ZNF705A: variants seen among roughly 807,000 people sequenced by gnomAD.
The protein encoded by ZNF705A is zinc finger protein 705A.
Under a neutral mutation model 16.6 loss-of-function variants are expected in ZNF705A, and 8 were observed. The observed-to-expected ratio is 0.48, with a 90% CI of 0.28 to 0.87. ZNF705A has a LOEUF of 0.87. Ranked by LOEUF, ZNF705A falls within the 40% of genes least tolerant of loss-of-function variation. The pLI is 0.10. For synonymous variants in ZNF705A, 73 were observed against 117.3 expected, an observed-to-expected ratio of 0.62 and a Z score of 2.44; for missense variants, 233 against 359.9, an observed-to-expected ratio of 0.65 and a Z score of 2.85.
upstream of ZNF705A, among the ~76,000 whole-genome samples, chr12:8,168,171 T>C (rs1695653044): frequency 6.6e-6 from 1 of 152,222 alleles, no homozygotes; most frequent in African/African-American, 2.4e-5. Context: ...AGAAGTTGCT[T>C]CTTCCTGGGG....
intron 1 of ZNF705A, among the ~76,000 whole-genome samples, chr12:8,159,560 T>C (rs1482122995): frequency 6.6e-6 from 1 of 152,186 alleles, no homozygotes; most frequent in African/African-American, 2.4e-5. Flanking sequence ...TGATCATTAG[T>C]GATGCTGAGG....
At chr12:8,177,412 A>G (rs1295073550) in exon 5 of ZNF705A, 1 of 1,612,086 alleles carries the variant, frequency 6.2e-7, no homozygotes, top group Non-Finnish European at 8.5e-7. Context: ...TTAACCTTCG[A>G]AGACATGAGA....
At chr12:8,178,335 A>G (rs751276707) in exon 5 of ZNF705A, 1 of 153,000 alleles carries the variant, frequency 6.5e-6, no homozygotes, top group Non-Finnish European at 1.5e-5. Context: ...TGCAATGAAA[A>G]ATCATGAGAA....
At chr12:8,163,896 C>T (rs189919642) in intron 1 of ZNF705A, among the ~76,000 whole-genome samples, 169 of 152,128 alleles carry the variant, frequency 1.1e-3, no homozygotes, top group African/African-American at 3.9e-3. Flanking sequence ...TTTAACCAAC[C>T]CCCTTCTTGT....
intron 1 of ZNF705A, among the ~76,000 whole-genome samples, chr12:8,160,616 G>T (rs73065356): frequency 3.5e-5 from 5 of 141,696 alleles, no homozygotes; most frequent in Admixed American, 1.4e-4. Flanking sequence ...TTCTTGATTT[G>T]GTTCTCCACT....
At chr12:8,170,315 A>AT (rs1470147621), upstream of ZNF705A, among the ~76,000 whole-genome samples, 4 of 152,000 alleles carry the variant, frequency 2.6e-5, no homozygotes, top group Non-Finnish European at 4.4e-5. Flanking sequence ...TTGTCAATAC[A>AT]TTTTTTTCCA....
At chr12:8,158,391 T>C (rs1441704665) in intron 1 of ZNF705A, among the ~76,000 whole-genome samples, 2 of 152,164 alleles carry the variant, frequency 1.3e-5, no homozygotes, top group Admixed American at 1.3e-4. Context: ...CTATACAGTA[T>C]GTTCTCCTTT....
At chr12:8,164,687 A>G (rs1948383548) in intron 1 of ZNF705A, among the ~76,000 whole-genome samples, 1 of 152,242 alleles carries the variant, frequency 6.6e-6, no homozygotes, top group Non-Finnish European at 1.5e-5. Flanking sequence ...ATGGCTGCAT[A>G]GTATTCCATG....
chr12:8,172,796 G>A lies in ZNF705A; in HGVS notation c.12+159G>A, dbSNP rs537710994. ...AGCCTGGGTATTCCAAATGCAATCAGGAGGCTTTCAGGTATCTGGCCTCCA... is the reference window on the plus strand; with the variant it reads ...AGCCTGGGTATTCCAAATGCAATCAAGAGGCTTTCAGGTATCTGGCCTCCA... On this transcript the variant is annotated intron_variant, in intron 1 of 4. Transcript: ENST00000359286. 5.9e-5 allele frequency among the ~76,000 whole-genome samples: 9 copies of A among 152,282 alleles called. 3 individuals carry two copies. The highest frequency in any genetic ancestry group is 1.9e-4 in the African/African-American group (8 of 41,554).
chr12:8,165,843 G>C lies in ZNF705A; in HGVS notation c.-71-6712G>C, dbSNP rs112518068. Among the ~76,000 whole-genome samples the C allele has an allele frequency of 3.2e-3, 484 of 152,136 alleles. 2 individuals are homozygous for C. The highest frequency in any genetic ancestry group is 0.011 in the African/African-American group (436 of 41,496). ...CAGCTTCATCTATGTTGGTGCAAAG[G>C]ACATAATTTTTTTACAGTTGCATAG... On this transcript the variant is annotated intron_variant, in intron 1 of 5. Coordinates refer to the ZNF705A transcript ENST00000396570.
At chr12:8,166,766 G>A (rs1948402512) in intron 1 of ZNF705A, among the ~76,000 whole-genome samples, 1 of 152,232 alleles carries the variant, frequency 6.6e-6, no homozygotes, top group African/African-American at 2.4e-5. Context: ...TTTAGCCATG[G>A]CTGGAGCTGG....
intron 1 of ZNF705A, among the ~76,000 whole-genome samples, chr12:8,162,298 A>C (rs1475370278): frequency 6.6e-6 from 1 of 152,194 alleles, no homozygotes; most frequent in Non-Finnish European, 1.5e-5. Context: ...AGTTGTTTGC[A>C]CTAAATCAAG....
chr12:8,171,953 T>A (rs1475571883), upstream of ZNF705A, among the ~76,000 whole-genome samples: 1 of 152,196 alleles, frequency 6.6e-6, no homozygotes, highest in Non-Finnish European at 1.5e-5. Flanking sequence ...GCCAGGCTAG[T>A]CTTGAACCCT....
chr12:8,169,848 C>T (rs1325213920), upstream of ZNF705A, among the ~76,000 whole-genome samples: 3 of 152,098 alleles, frequency 2.0e-5, no homozygotes, highest in African/African-American at 7.2e-5. Flanking sequence ...GCCGTTAAAA[C>T]ATTAAGGTAA....
At chr12:8,166,026 A>T (rs1377934263) in intron 1 of ZNF705A, among the ~76,000 whole-genome samples, 1 of 152,188 alleles carries the variant, frequency 6.6e-6, no homozygotes, top group African/African-American at 2.4e-5. Context: ...TTTGGATACA[A>T]GGGTCAGTCC....
intron 1 of ZNF705A, among the ~76,000 whole-genome samples, chr12:8,165,277 C>CTTT (rs1565413981): frequency 5.6e-5 from 7 of 124,704 alleles, no homozygotes; most frequent in Admixed American, 1.8e-4. Flanking sequence ...GATCTTTGCC[C>CTTT]ATTTTTTTTT....
chr12:8,169,869 G>A (rs1174347431), upstream of ZNF705A, among the ~76,000 whole-genome samples: 1 of 152,104 alleles, frequency 6.6e-6, no homozygotes, highest in Non-Finnish European at 1.5e-5. Flanking sequence ...TATTGAGGGT[G>A]CAGAATGGCT....
chr12:8,169,350 C>A (rs2120714284), upstream of ZNF705A, among the ~76,000 whole-genome samples: 1 of 152,288 alleles, frequency 6.6e-6, no homozygotes, highest in African/African-American at 2.4e-5. Context: ...GGCTTGCAAT[C>A]CTGTCAAGAT....
chr12:8,159,423 C>T (rs1263513823), intron 1 of ZNF705A, among the ~76,000 whole-genome samples: 2 of 152,142 alleles, frequency 1.3e-5, no homozygotes, highest in African/African-American at 4.8e-5. Context: ...ACATTCCCAC[C>T]AGCAGTGTAG....
Sources: allele counts gnomAD v4.1 joint callset (sites outside exome capture counted in the v4.1 genomes callset), GRCh38; gene constraint gnomAD v4.1.1; transcripts MANE v1.5; gene names NCBI Gene and HGNC (gene_info 2026-07-23, HGNC 2026-07-21).